Variants in CLMP observed in about 807,000 individuals in gnomAD.
CLMP encodes the protein CXADR-like membrane protein.
CLMP carries 27 observed loss-of-function variants against 45.2 expected under a neutral mutation model. The ratio of observed to expected loss-of-function variants is 0.60; its 90% CI spans 0.44 to 0.82. CLMP has a LOEUF of 0.82. CLMP is among the 40% of genes least tolerant of loss of function. The pLI, the probability that CLMP is intolerant of heterozygous loss-of-function variation, is 0.00. For missense variants in CLMP, 403 were observed against 448.4 expected (o/e 0.90, Z 0.91); for synonymous variants, 167 against 171.4 (o/e 0.97, Z 0.20).
intron 1 of CLMP, among the ~76,000 whole-genome samples, chr11:123,124,059 G>A (rs1860856603): frequency 6.6e-6 from 1 of 152,150 alleles, no homozygotes; most frequent in Admixed American, 6.6e-5. Context: ...GGGAGAGTTA[G>A]GAGAAGGAAA....
intron 1 of CLMP, among the ~76,000 whole-genome samples, chr11:123,135,239 G>A (rs1861054248): frequency 7.9e-6 from 1 of 126,388 alleles, no homozygotes; most frequent in African/African-American, 3.2e-5. Flanking sequence ...TAGCCTGGGT[G>A]ATAGAAAAAG....
intron 1 of CLMP, among the ~76,000 whole-genome samples, chr11:123,147,711 G>A (rs534151046): frequency 1.5e-4 from 23 of 152,330 alleles, no homozygotes; most frequent in African/African-American, 5.3e-4. Context: ...TGCATCTTCA[G>A]CATCTTGTGC....
intron 2 of CLMP, among the ~76,000 whole-genome samples, chr11:123,085,136 A>G (rs899660531): frequency 4.6e-5 from 7 of 151,970 alleles, no homozygotes; most frequent in Non-Finnish European, 8.8e-5. Flanking sequence ...GGGAAGCCAA[A>G]GGGAAGGTCG....
chr11:123,188,515 A>G (rs1861863143), intron 1 of CLMP, among the ~76,000 whole-genome samples: 1 of 150,914 alleles, frequency 6.6e-6, no homozygotes, highest in South Asian at 2.1e-4. Flanking sequence ...TGAACTTTCC[A>G]CATCCCCCTT....
At chr11:123,121,323 T>A (rs11822892) in intron 1 of CLMP, among the ~76,000 whole-genome samples, 34,416 of 151,614 alleles carry the variant, frequency 0.23, 4,069 homozygotes, top group Admixed American at 0.29. Context: ...TTTGAGATGG[T>A]GTCTCGTTCT....
chr11:123,125,475 C>CTCCTCCCTCCCTCCT (rs1860875724), intron 1 of CLMP, among the ~76,000 whole-genome samples: 3 of 132,380 alleles, frequency 2.3e-5, no homozygotes, highest in Non-Finnish European at 5.0e-5. Flanking sequence ...TCCTCCCTCC[C>CTCCTCCCTCCCTCCT]TCCTCCCTCC....
intron 1 of CLMP, among the ~76,000 whole-genome samples, chr11:123,130,104 G>A (rs1344436448): frequency 3.9e-5 from 6 of 152,072 alleles, no homozygotes; most frequent in Non-Finnish European, 8.8e-5. Context: ...TCTCTTCATA[G>A]GAATGCAGAT....
At chr11:123,120,211 A>G (rs924206146) in intron 1 of CLMP, among the ~76,000 whole-genome samples, 1 of 152,184 alleles carries the variant, frequency 6.6e-6, no homozygotes, top group Non-Finnish European at 1.5e-5. Context: ...GCTTGAGCCC[A>G]GGAGATTGAG....
chr11:123,110,086 G>A (rs1860617554), intron 1 of CLMP, among the ~76,000 whole-genome samples: 1 of 152,178 alleles, frequency 6.6e-6, no homozygotes, highest in Admixed American at 6.5e-5. Context: ...CCTTTGGTCA[G>A]AATTACGGAA....
chr11:123,184,822 A>T (rs1861812277), intron 1 of CLMP, among the ~76,000 whole-genome samples: 2 of 152,212 alleles, frequency 1.3e-5, no homozygotes, highest in Admixed American at 1.3e-4. Context: ...TTGTTCCCTC[A>T]TTCATTCATT....
chr11:123,138,532 A>G (rs765663035), intron 1 of CLMP, among the ~76,000 whole-genome samples: 178 of 152,190 alleles, frequency 1.2e-3, no homozygotes, highest in Non-Finnish European at 2.0e-3. Context: ...ACTTTCTGAT[A>G]GCAGCATATC....
intron 1 of CLMP, among the ~76,000 whole-genome samples, chr11:123,142,788 G>T (rs968879470): frequency 7.5e-5 from 11 of 146,414 alleles, no homozygotes; most frequent in Non-Finnish European, 1.6e-4. Context: ...CACTGCGCCC[G>T]GCTAATTTTT....
intron 1 of CLMP, chr11:123,136,228 C>G: frequency 1.5e-6 from 1 of 648,774 alleles, no homozygotes; most frequent in South Asian, 1.4e-5. Context: ...CCATTACAAT[C>G]TGGGTAGCTA....
intron 1 of CLMP, among the ~76,000 whole-genome samples, chr11:123,109,074 AAAAAAAGAAAGAAAG>A (rs1860601270): frequency 6.6e-6 from 1 of 151,684 alleles, no homozygotes. Flanking sequence ...AAAAAAAAAA[AAAAAAAGAAAGAAAG>A]AAAAAAAATG....
intron 1 of CLMP, among the ~76,000 whole-genome samples, chr11:123,098,701 A>ATTTT (rs1156546713): frequency 9.8e-5 from 11 of 112,658 alleles, no homozygotes; most frequent in Non-Finnish European, 5.4e-5. Context: ...ATCCTGGCTA[A>ATTTT]TTTTTTTTTT....
At chr11:123,152,167 C>T (rs1861344621) in intron 1 of CLMP, among the ~76,000 whole-genome samples, 1 of 152,108 alleles carries the variant, frequency 6.6e-6, no homozygotes, top group African/African-American at 2.4e-5. Context: ...GATGAAAAAT[C>T]TTAATAATTA....
intron 1 of CLMP, among the ~76,000 whole-genome samples, chr11:123,106,398 T>C (rs1860551449): frequency 1.7e-5 from 2 of 117,658 alleles, no homozygotes; most frequent in East Asian, 2.8e-4. Context: ...TGTGTGTGTG[T>C]GTGTGTGTGT....
At chr11:123,118,948 TCTTTCTTTCTTTCTTTC>T in intron 1 of CLMP, among the ~76,000 whole-genome samples, 1 of 23,074 alleles carries the variant, frequency 4.3e-5, no homozygotes, top group Non-Finnish European at 8.8e-5. Flanking sequence ...TTTCTTTCTT[TCTTTCTTTCTTTCTTTC>T]TTTCTTTCTT....
chr11:123,132,164 T>A (rs536060556), intron 1 of CLMP, among the ~76,000 whole-genome samples: 1 of 152,296 alleles, frequency 6.6e-6, no homozygotes, highest in East Asian at 1.9e-4. Flanking sequence ...GCTCTACAAA[T>A]AGCATTTTTT....
Sources: allele counts gnomAD v4.1 joint callset (sites outside exome capture counted in the v4.1 genomes callset), GRCh38; gene constraint gnomAD v4.1.1; transcripts MANE v1.5; gene names NCBI Gene and HGNC (gene_info 2026-07-23, HGNC 2026-07-21).